The following NRXN3 variants were observed in gnomAD, a reference collection of about 807,000 sequenced individuals.
The protein encoded by NRXN3 is neurexin III.
NRXN3 carries 32 observed loss-of-function variants against 137.6 expected under a neutral mutation model. The observed-to-expected ratio is 0.23, with a 90% CI of 0.18 to 0.31. The LOEUF (loss-of-function observed/expected upper bound fraction) is 0.31. NRXN3 is among the 10% of genes least tolerant of loss of function. NRXN3 has a pLI of 1.00. For synonymous variants in NRXN3, 798 were observed against 784.5 expected, an observed-to-expected ratio of 1.02 and a Z score of -0.29; for missense variants, 1,574 against 2,062.5, an observed-to-expected ratio of 0.76 and a Z score of 4.59.
At chr14:78,587,312 G>A (rs1011030432) in intron 4 of NRXN3, among the ~76,000 whole-genome samples, 4 of 152,182 alleles carry the variant, frequency 2.6e-5, no homozygotes, top group Admixed American at 2.6e-4. Context: ...CTTTCCAAGT[G>A]CCTTCTGTGG....
At chr14:78,381,033 A>G (rs947506962) in intron 4 of NRXN3, among the ~76,000 whole-genome samples, 6 of 152,174 alleles carry the variant, frequency 3.9e-5, no homozygotes, top group African/African-American at 1.2e-4. Context: ...AAACAGTGCA[A>G]AAGTAATTCA....
intron 4 of NRXN3, among the ~76,000 whole-genome samples, chr14:78,472,349 A>G (rs569300611): frequency 2.6e-5 from 4 of 152,298 alleles, no homozygotes; most frequent in African/African-American, 9.6e-5. Context: ...TCATTTGTTT[A>G]GTGTGTGGGG....
intron 4 of NRXN3, among the ~76,000 whole-genome samples, chr14:78,444,710 A>G (rs887664005): frequency 6.6e-6 from 1 of 151,968 alleles, no homozygotes; most frequent in African/African-American, 2.4e-5. Flanking sequence ...ATCTGAGGTC[A>G]GGAGTTTGAG....
intron 1 of NRXN3, among the ~76,000 whole-genome samples, chr14:78,202,814 T>C (rs1372634470): frequency 6.6e-6 from 1 of 152,186 alleles, no homozygotes; most frequent in Non-Finnish European, 1.5e-5. Flanking sequence ...TAGACTCAGG[T>C]TTGTGATGTA....
intron 15 of NRXN3, among the ~76,000 whole-genome samples, chr14:79,243,600 A>T (rs2074658896): frequency 6.6e-6 from 1 of 152,200 alleles, no homozygotes; most frequent in African/African-American, 2.4e-5. Context: ...ATGCAAAATC[A>T]TAGTGTGTAC....
At chr14:79,169,298 C>T (rs182225991) in intron 15 of NRXN3, among the ~76,000 whole-genome samples, 7 of 152,194 alleles carry the variant, frequency 4.6e-5, no homozygotes, top group East Asian at 1.9e-4. Context: ...AACTGGAATA[C>T]ACCTTTTCCT....
At chr14:78,773,126 G>A (rs1349568817) in intron 8 of NRXN3, among the ~76,000 whole-genome samples, 1 of 152,114 alleles carries the variant, frequency 6.6e-6, no homozygotes, top group Non-Finnish European at 1.5e-5. Context: ...GGATGAAGTT[G>A]CCCAATGTTA....
At chr14:79,466,733 C>CA (rs1308449611) in intron 15 of NRXN3, among the ~76,000 whole-genome samples, 1 of 152,108 alleles carries the variant, frequency 6.6e-6, no homozygotes, top group African/African-American at 2.4e-5. Context: ...AAGGTACAAG[C>CA]AGGAGAGACA....
chr14:79,003,699 A>G (rs2099546391), intron 15 of NRXN3, among the ~76,000 whole-genome samples: 1 of 152,198 alleles, frequency 6.6e-6, no homozygotes, highest in Non-Finnish European at 1.5e-5. Context: ...AGATGATTGC[A>G]GATCACTCTC....
In NRXN3 at chr14:79,697,772, T is replaced by G; in HGVS notation, c.3849T>G (p.Asn1283Lys). The G allele has an allele frequency of 1.2e-6, 2 of 1,613,070 alleles. No individual in the cohort carries two copies. The highest frequency in any genetic ancestry group is 1.7e-6 in the Non-Finnish European group (2 of 1,179,432). The change falls in exon 19 of 21, where the codon AAT becomes AAG. Residue 1283 changes from asparagine to lysine, a missense_variant. By Grantham distance (94) the Asn-to-Lys change is moderately conservative. This residue lies in a region of NRXN3 where 320 missense variants were observed against 387.1 expected (regional missense o/e 0.83). Transcript: ENST00000335750. ...ACATGGCGGCTGAGAACAACCCCAA[T>G]ATTAAAATCAATGGAAGTGTTCGGC... ...VLNMAAENNP[N>K]IKINGSVRLV...
At chr14:78,671,908 A>C (rs1181428720) in intron 6 of NRXN3, among the ~76,000 whole-genome samples, 1 of 152,246 alleles carries the variant, frequency 6.6e-6, no homozygotes, top group Non-Finnish European at 1.5e-5. Flanking sequence ...TTATCAATTC[A>C]GTTGAGTTCA....
At chr14:79,748,194 AAAATT>A (rs1219908588) in intron 19 of NRXN3, among the ~76,000 whole-genome samples, 1 of 152,048 alleles carries the variant, frequency 6.6e-6, no homozygotes, top group Non-Finnish European at 1.5e-5. Flanking sequence ...CCTGGAACTT[AAAATT>A]AAATTAAGTC....
chr14:78,581,322 G>A (rs762499438), intron 4 of NRXN3, among the ~76,000 whole-genome samples: 3 of 152,214 alleles, frequency 2.0e-5, no homozygotes, highest in Non-Finnish European at 4.4e-5. Flanking sequence ...AGTCTGGGAA[G>A]TCCAAGATCC....
At chr14:78,920,724 A>G (rs2099268714) in intron 10 of NRXN3, among the ~76,000 whole-genome samples, 1 of 152,110 alleles carries the variant, frequency 6.6e-6, no homozygotes, top group Non-Finnish European at 1.5e-5. Context: ...AGTTTCCATA[A>G]TTCAGTAGAG....
At chr14:78,663,856 A>G (rs1047867335) in intron 6 of NRXN3, among the ~76,000 whole-genome samples, 2 of 152,220 alleles carry the variant, frequency 1.3e-5, no homozygotes, top group Non-Finnish European at 2.9e-5. Flanking sequence ...AGATTAAAAA[A>G]ACACTAGTCC....
chr14:78,753,086 G>A (rs1440458368), intron 8 of NRXN3, among the ~76,000 whole-genome samples: 1 of 152,078 alleles, frequency 6.6e-6, no homozygotes, highest in Non-Finnish European at 1.5e-5. Context: ...ACACACCCAC[G>A]TTACACAGTC....
intron 1 of NRXN3, among the ~76,000 whole-genome samples, chr14:78,212,999 T>C (rs1031358592): frequency 1.3e-5 from 2 of 152,218 alleles, no homozygotes; most frequent in African/African-American, 4.8e-5. Flanking sequence ...AGAGCATCTC[T>C]AAGGACCTGG....
At chr14:78,628,649 G>A (rs2097490688) in intron 4 of NRXN3, among the ~76,000 whole-genome samples, 1 of 152,216 alleles carries the variant, frequency 6.6e-6, no homozygotes. Context: ...AGAGGAATTG[G>A]GGTAGATAAT....
chr14:78,992,540 C>G (rs1342225135), intron 15 of NRXN3, among the ~76,000 whole-genome samples: 2 of 152,174 alleles, frequency 1.3e-5, no homozygotes, highest in East Asian at 3.9e-4. Context: ...CAGGCAAATC[C>G]AGAATCTCCT....
Sources: gnomAD v4.1 joint callset for allele counts (sites outside exome capture counted in the v4.1 genomes callset) on GRCh38, gnomAD v4.1.1 for gene constraint, gnomAD v4.1.1 regional missense constraint, MANE v1.5 for transcripts, NCBI Gene and HGNC (gene_info 2026-07-23, HGNC 2026-07-21) for gene names.